Variants in CACNA1I observed in about 807,000 individuals in gnomAD.
CACNA1I encodes the protein calcium voltage-gated channel subunit alpha1 I, also known as voltage-dependent T-type calcium channel subunit alpha-1I.
CACNA1I carries 74 observed loss-of-function variants against 201.6 expected under a neutral mutation model. The observed-to-expected ratio is 0.37, with a 90% CI of 0.30 to 0.45. The LOEUF (loss-of-function observed/expected upper bound fraction) is 0.45. Ranked by LOEUF, CACNA1I falls within the 20% of genes least tolerant of loss-of-function variation. The pLI, the probability that CACNA1I is intolerant of heterozygous loss-of-function variation, is 1.00. For synonymous variants in CACNA1I, 1,431 were observed against 1,345.2 expected, an observed-to-expected ratio of 1.06 and a Z score of -1.40; for missense variants, 2,346 against 3,138.1, an observed-to-expected ratio of 0.75 and a Z score of 6.03.
intron 3 of CACNA1I, among the ~76,000 whole-genome samples, chr22:39,609,530 T>C (rs1056479851): frequency 2.0e-5 from 3 of 152,118 alleles, no homozygotes; most frequent in Non-Finnish European, 2.9e-5. Flanking sequence ...AAGCCGTGGG[T>C]GTCATGTCTG....
intron 28 of CACNA1I, among the ~76,000 whole-genome samples, chr22:39,673,353 C>T (rs897874390): frequency 7.9e-5 from 12 of 152,160 alleles, no homozygotes; most frequent in South Asian, 2.1e-4. Flanking sequence ...TTCCTTATGA[C>T]GCCATGACCC....
intron 24 of CACNA1I, 77 bp from the exon 25 acceptor site, chr22:39,669,961 C>T: frequency 6.5e-7 from 1 of 1,542,556 alleles, no homozygotes; most frequent in Admixed American, 1.7e-5. Flanking sequence ...TCCATGGAGG[C>T]TCAGCCAGGA....
intron 3 of CACNA1I, among the ~76,000 whole-genome samples, chr22:39,611,002 G>A (rs1933371920): frequency 6.6e-6 from 1 of 152,148 alleles, no homozygotes; most frequent in Non-Finnish European, 1.5e-5. Context: ...GCTCACCCCT[G>A]GCAGGATGTG....
chr22:39,659,345 A>G lies in CACNA1I; in HGVS notation c.2331-88A>G. On this transcript the variant is annotated intron_variant, in intron 12 of 36. Coordinates refer to ENST00000402142, the MANE Select transcript of CACNA1I (RefSeq NM_021096.4). The surrounding 1 kb of genome is among the most constrained non-coding windows in gnomAD (Gnocchi z 4.3). ...GCTGCCCCGCCTCCCCCTGCCCTGCATTTTACTGAGTTGACTGAGAATGAA... is the reference window on the plus strand; with the variant it reads ...GCTGCCCCGCCTCCCCCTGCCCTGCGTTTTACTGAGTTGACTGAGAATGAA... The G allele has an allele frequency of 9.6e-7, 1 of 1,046,572 alleles. No homozygotes were observed. Among genetic ancestry groups the G allele is most frequent in the South Asian group, 1.4e-5 (1 of 70,908 alleles). The allele number at this position is 1,046,572 out of a possible 1,614,324, so 64.8% of individuals were successfully genotyped here. A position where few individuals can be genotyped will look rare whatever the true frequency, so the allele number is the denominator to read the frequency against.
At position 39,671,259 on chromosome 22, in the gene CACNA1I, C is replaced by T. The variant is rs376454965; in HGVS notation, c.4539+305C>T. Among the ~76,000 whole-genome samples, 4 of 152,204 alleles carry T rather than the reference C, an allele frequency of 2.6e-5. No homozygotes were observed. In the South Asian group the frequency reaches 6.2e-4, roughly 24 times the overall value. On this transcript the variant is annotated intron_variant, in intron 26 of 36. Coordinates refer to ENST00000402142, the MANE Select transcript of CACNA1I (RefSeq NM_021096.4). Reference sequence around the variant, plus strand: ...TGTTAAATATTGACTCTTTGCAAGGCACGCTACATATATGAACTCTTTAAT... The same window carrying T: ...TGTTAAATATTGACTCTTTGCAAGGTACGCTACATATATGAACTCTTTAAT...
chr22:39,642,947 C>G, intron 7 of CACNA1I, 58 bp downstream of exon 7: 1 of 1,232,608 alleles, frequency 8.1e-7, no homozygotes, highest in South Asian at 1.3e-5. Flanking sequence ...ACCAGGGGAC[C>G]TGAGGAGGGA....
chr22:39,636,077 C>G (rs1447149769), intron 5 of CACNA1I, among the ~76,000 whole-genome samples: 3 of 152,198 alleles, frequency 2.0e-5, no homozygotes, highest in African/African-American at 7.2e-5. Context: ...GTGCTCCCAA[C>G]TAATTGTTGA....
intron 24 of CACNA1I, among the ~76,000 whole-genome samples, chr22:39,669,440 T>C (rs1569093234): frequency 6.6e-6 from 1 of 152,238 alleles, no homozygotes; most frequent in Admixed American, 6.5e-5. Context: ...GCTGGCCGCC[T>C]TGTTTTCTGC....
At chr22:39,667,634 G>T (rs1335992020) in intron 23 of CACNA1I, among the ~76,000 whole-genome samples, 1 of 152,034 alleles carries the variant, frequency 6.6e-6, no homozygotes, top group Non-Finnish European at 1.5e-5. Context: ...TCACTTAAGG[G>T]ACATGAGGAT....
At position 39,649,577 on chromosome 22, in the gene CACNA1I, CGAT is replaced by C; in HGVS notation, c.1645_1647del (p.Asp549del). 1 of 1,547,516 alleles carries C rather than the reference CGAT, an allele frequency of 6.5e-7. No homozygotes were observed. Among genetic ancestry groups the C allele is most frequent in the Non-Finnish European group, 8.7e-7 (1 of 1,145,730 alleles). On this transcript the variant is annotated inframe_deletion, in exon 10 of 37. Transcript: ENST00000402142. The surrounding 1 kb of genome is among the most constrained non-coding windows in gnomAD (Gnocchi z 7.3). ...AGCCCATCCCCGCCACGCTGGCTTC[CGAT>C]CCCGCCAGCTGCCCTTGCTGCCAGC...
chr22:39,636,236 A>G (rs937381810), intron 5 of CACNA1I, among the ~76,000 whole-genome samples: 3 of 152,078 alleles, frequency 2.0e-5, no homozygotes, highest in African/African-American at 7.2e-5. Context: ...CCCAGGCCCC[A>G]TGAGATGGCC....
chr22:39,621,670 G>A (rs547002753), intron 4 of CACNA1I, among the ~76,000 whole-genome samples: 32 of 152,132 alleles, frequency 2.1e-4, no homozygotes, highest in Non-Finnish European at 3.7e-4. Flanking sequence ...GTCACAATAC[G>A]ATAGAAAACG....
Position 39,674,072 on chromosome 22 carries a change from T to C in CACNA1I, c.4854+39T>C, listed in dbSNP as rs368245177. Reference sequence around the variant, plus strand: ...TTTCTGGCAGCCCTCCTAGGGGTCATTGGTGTCAGGCTGGGCCCTGGGGCA... The same window carrying C: ...TTTCTGGCAGCCCTCCTAGGGGTCACTGGTGTCAGGCTGGGCCCTGGGGCA... On this transcript the variant is annotated intron_variant, in intron 29 of 36. Transcript: ENST00000402142. The C allele has an allele frequency of 2.7e-5, 43 of 1,595,522 alleles. No homozygotes were observed. In the East Asian group the frequency reaches 4.9e-4, roughly 18 times the overall value.
Position 39,646,823 on chromosome 22 carries a change from C to T in CACNA1I, c.1404C>T (p.Gly468=). The stretch of plus-strand genomic sequence containing the variant: ...TGCAGAGCCGGCGCCAGGCCCTGGG[C>T]CCGGAGGCCCCGGCCCCCGCCAAAC... The part of the protein sequence containing the change: ...QALQSRRQAL[G]PEAPAPAKPG... The change falls in exon 8 of 37, where the codon GGC becomes GGT. Residue 468 remains glycine (G), a synonymous_variant. Transcript: ENST00000402142. 1 of 1,543,336 alleles carries T rather than the reference C, an allele frequency of 6.5e-7. No homozygotes were observed. Among genetic ancestry groups the T allele is most frequent in the Non-Finnish European group, 8.7e-7 (1 of 1,144,086 alleles).
In CACNA1I at chr22:39,659,097, C is replaced by G; in HGVS notation, c.2311C>G (p.Leu771Val). ...NVATFCMLLMLFIFIFSILGM... is the reference protein window; with the variant it reads ...NVATFCMLLMVFIFIFSILGM... Reference sequence around the variant, plus strand: ...GGCCACCTTCTGCATGCTGCTCATGCTCTTCATCTTCATCTTCAGGTGAGC... The same window carrying G: ...GGCCACCTTCTGCATGCTGCTCATGGTCTTCATCTTCATCTTCAGGTGAGC... Residue 771 changes from leucine to valine, a missense_variant, in exon 12 of 37, where the codon CTC becomes GTC. Transcript: ENST00000402142. The surrounding 1 kb of genome is among the most constrained non-coding windows in gnomAD (Gnocchi z 4.3). The G allele has an allele frequency of 3.7e-6, 6 of 1,613,156 alleles. No individual in the cohort carries two copies. Among genetic ancestry groups the G allele is most frequent in the Non-Finnish European group, 5.1e-6 (6 of 1,179,730 alleles).
At chr22:39,601,831 TTCCTTCCC>T (rs1302599851) in intron 3 of CACNA1I, among the ~76,000 whole-genome samples, 14 of 143,924 alleles carry the variant, frequency 9.7e-5, no homozygotes, top group East Asian at 6.6e-4. Flanking sequence ...CTCTCCTTCC[TTCCTTCCC>T]TCCCTCCCTC....
rs1935913047 is a variant in CACNA1I at position 39,687,192 on chromosome 22, C to G, written c.*787C>G. On this transcript the variant is annotated 3_prime_UTR_variant, in exon 37 of 37. Coordinates refer to ENST00000402142, the MANE Select transcript of CACNA1I (RefSeq NM_021096.4). Reference sequence around the variant, plus strand: ...CTCCAAGGCTGAGCTGGGGCTCTGGCCCCAGGTGAGGTCCCCAGCTCCTGA... The same window carrying G: ...CTCCAAGGCTGAGCTGGGGCTCTGGGCCCAGGTGAGGTCCCCAGCTCCTGA... 1 of 152,068 alleles carries G rather than the reference C, an allele frequency of 6.6e-6. No homozygotes were observed. The highest frequency in any genetic ancestry group is 1.5e-5 in the Non-Finnish European group (1 of 68,028). 9.4% of individuals were successfully genotyped at this position (152,068 alleles called of 1,614,324 possible).
chr22:39,644,632 G>A (rs569601947), intron 7 of CACNA1I, among the ~76,000 whole-genome samples: 2 of 152,188 alleles, frequency 1.3e-5, no homozygotes, highest in African/African-American at 4.8e-5. Context: ...AAAGGTGAGG[G>A]GTCCTTGGCC....
rs528251136 is a variant in CACNA1I at position 39,629,723 on chromosome 22, G to A, written c.581-4842G>A. The stretch of plus-strand genomic sequence containing the variant: ...GGTTTCTGTCCCACGTGAGACCCCC[G>A]GGAGGCAGCGACCACACAGCTGTGG... On this transcript the variant is annotated intron_variant, in intron 4 of 36. Coordinates refer to ENST00000402142, the MANE Select transcript of CACNA1I (RefSeq NM_021096.4). The surrounding 1 kb of genome is among the most constrained non-coding windows in gnomAD (Gnocchi z 4.8). Among the ~76,000 whole-genome samples the A allele has an allele frequency of 6.6e-6, 1 of 152,100 alleles. No individual in the cohort carries two copies. The highest frequency in any genetic ancestry group is 1.5e-5 in the Non-Finnish European group (1 of 68,032).
Sources: allele counts gnomAD v4.1 joint callset (sites outside exome capture counted in the v4.1 genomes callset), GRCh38; gene constraint gnomAD v4.1.1; non-coding constraint Gnocchi (gnomAD v3.1); transcripts MANE v1.5; gene names NCBI Gene and HGNC (gene_info 2026-07-23, HGNC 2026-07-21).